ERICH3: variants seen among roughly 807,000 people sequenced by gnomAD.
The protein encoded by ERICH3 is glutamate rich 3.
A neutral mutation model predicts 131.1 loss-of-function variants in ERICH3; 126 were observed. That is an observed-to-expected ratio of 0.96 (90% confidence interval 0.83 to 1.11). The LOEUF (loss-of-function observed/expected upper bound fraction) is 1.11, where lower values mean the gene tolerates loss of function less well. Ranked by LOEUF, ERICH3 falls within the 50% of genes most tolerant of loss-of-function variation. The probability of loss-of-function intolerance (pLI) is 0.00; values close to 1 mark genes in which losing one functional copy is unlikely to be tolerated. For missense variants in ERICH3, 2,050 were observed against 1,810.7 expected (o/e 1.13, Z -2.40); for synonymous variants, 695 against 644.6 (o/e 1.08, Z -1.18).
chr1:74,603,757 T>C (rs1648257351), intron 10 of ERICH3, among the ~76,000 whole-genome samples: 1 of 151,898 alleles, frequency 6.6e-6, no homozygotes, highest in Non-Finnish European at 1.5e-5. Flanking sequence ...AAAAACCCAA[T>C]GTATACACCT....
At chr1:74,601,058 A>G (rs1648108630) in intron 10 of ERICH3, among the ~76,000 whole-genome samples, 2 of 151,816 alleles carry the variant, frequency 1.3e-5, no homozygotes, top group African/African-American at 2.4e-5. Flanking sequence ...CAAAACCTAT[A>G]ACAAAGAAAA....
chr1:74,657,293 A>T (rs1432297316), intron 1 of ERICH3, among the ~76,000 whole-genome samples: 1 of 152,130 alleles, frequency 6.6e-6, no homozygotes, highest in East Asian at 1.9e-4. Context: ...ATTAGAAAAA[A>T]ATATAGTTCC....
chr1:74,575,372 G>T (rs1186664320), intron 13 of ERICH3, among the ~76,000 whole-genome samples: 1 of 152,188 alleles, frequency 6.6e-6, no homozygotes, highest in East Asian at 1.9e-4. Context: ...ATAGGGCTGA[G>T]GTTGACTTTA....
At chr1:74,670,829 A>G (rs367587845) in intron 1 of ERICH3, among the ~76,000 whole-genome samples, 13 of 152,212 alleles carry the variant, frequency 8.5e-5, no homozygotes, top group African/African-American at 3.1e-4. Flanking sequence ...ACAAATGGAC[A>G]TGCAAGTAGG....
chr1:74,665,288 A>G (rs1646680437), intron 1 of ERICH3, among the ~76,000 whole-genome samples: 1 of 151,764 alleles, frequency 6.6e-6, no homozygotes, highest in Non-Finnish European at 1.5e-5. Flanking sequence ...GGGCTCCCCA[A>G]CCTCCAGAGC....
intron 11 of ERICH3, among the ~76,000 whole-genome samples, chr1:74,597,962 A>G (rs1162205344): frequency 1.3e-5 from 2 of 151,972 alleles, no homozygotes; most frequent in Non-Finnish European, 2.9e-5. Context: ...TCTAGTGAGA[A>G]CATTACTTAC....
At chr1:74,644,223 C>T (rs888759046) in intron 3 of ERICH3, among the ~76,000 whole-genome samples, 4 of 151,858 alleles carry the variant, frequency 2.6e-5, no homozygotes, top group African/African-American at 9.7e-5. Flanking sequence ...ACTTCCCTTT[C>T]CTCTCTCTCT....
At chr1:74,606,094 A>T (rs1648379567) in intron 10 of ERICH3, among the ~76,000 whole-genome samples, 1 of 151,510 alleles carries the variant, frequency 6.6e-6, no homozygotes. Flanking sequence ...GAGAGGAAGG[A>T]GAGAACAGAG....
intron 11 of ERICH3, among the ~76,000 whole-genome samples, chr1:74,595,389 T>C (rs996582174): frequency 1.4e-4 from 22 of 152,066 alleles, no homozygotes; most frequent in Non-Finnish European, 4.4e-5. Context: ...TATGCCCACA[T>C]ACTGATAGTT....
intron 10 of ERICH3, among the ~76,000 whole-genome samples, chr1:74,605,368 A>G (rs1219930897): frequency 6.6e-6 from 1 of 151,870 alleles, no homozygotes. Flanking sequence ...GCACATGTTC[A>G]CTTGAAGTAG....
intron 11 of ERICH3, among the ~76,000 whole-genome samples, chr1:74,596,286 C>G (rs1647845085): frequency 6.6e-6 from 1 of 151,886 alleles, no homozygotes; most frequent in Non-Finnish European, 1.5e-5. Context: ...CTCAATCTGT[C>G]TAATCTTTCT....
At chr1:74,595,929 ATCT>A (rs1389704286) in intron 11 of ERICH3, among the ~76,000 whole-genome samples, 5 of 152,050 alleles carry the variant, frequency 3.3e-5, no homozygotes, top group Admixed American at 1.3e-4. Context: ...CATTCCCATA[ATCT>A]TCTCTGATCC....
chr1:74,571,011 C>T (rs928179806), intron 14 of ERICH3, 88 bp downstream of exon 14: 1 of 1,462,540 alleles, frequency 6.8e-7, no homozygotes, highest in Non-Finnish European at 9.2e-7. Flanking sequence ...TGCACAGACA[C>T]CAATAAAGGG....
chr1:74,571,767 C>G lies in ERICH3; in HGVS notation c.3943G>C (p.Glu1315Gln). ...TCTCCTTCCATGTCCCCGTCCCCTT[C>G]CGAGTTCCTGTCCTGCATCGCTTCT... Reference protein sequence around the residue: ...ETEAMQDRNSEGDGDMEGEGN... With the variant: ...ETEAMQDRNSQGDGDMEGEGN... The change falls in exon 14 of 15, where the codon GAA (glutamate) becomes CAA (glutamine). Residue 1315 changes from glutamate to glutamine, a missense_variant. Physicochemically the swap from Glu to Gln is conservative, Grantham distance 29. Coordinates refer to ENST00000326665, the MANE Select transcript of ERICH3 (RefSeq NM_001002912.5). 6.2e-7 allele frequency: 1 copy of G among 1,614,136 alleles called. No homozygotes were observed. Among genetic ancestry groups the G allele is most frequent in the Non-Finnish European group, 8.5e-7 (1 of 1,180,034 alleles).
intron 4 of ERICH3, among the ~76,000 whole-genome samples, chr1:74,642,218 T>C (rs1422169753): frequency 1.3e-5 from 2 of 152,170 alleles, no homozygotes; most frequent in African/African-American, 4.8e-5. Context: ...AACAAAATTA[T>C]CTTCTCACCC....
At position 74,585,683 on chromosome 1, in the gene ERICH3, T is replaced by C. The variant is rs149845987; in HGVS notation, c.2176+3948A>G. Among the ~76,000 whole-genome samples, 65 of 152,216 alleles carry C rather than the reference T, an allele frequency of 4.3e-4. 1 individual carries two copies. In the East Asian group the frequency reaches 9.1e-3, roughly 21 times the overall value. On this transcript the variant is annotated intron_variant, in intron 12 of 14. Transcript: ENST00000326665. ...TTAAATACCATACAAATGTGGGACA[T>C]GGTCATTTACACATTCTCTCAGCCC...
intron 1 of ERICH3, 28 bp from the exon 2 acceptor site, chr1:74,649,343 C>G (rs750018567): frequency 6.4e-7 from 1 of 1,558,772 alleles, no homozygotes; most frequent in South Asian, 1.1e-5. Flanking sequence ...AACCAATAAG[C>G]TTTTACAAGG....
intron 12 of ERICH3, chr1:74,579,414 T>G (rs1455803011): frequency 2.0e-6 from 2 of 985,402 alleles, no homozygotes; most frequent in Non-Finnish European, 2.4e-6. Context: ...TCAGAAATGA[T>G]AGTGAAGCTT....
At chr1:74,646,412 C>G (rs1646483980) in intron 3 of ERICH3, among the ~76,000 whole-genome samples, 1 of 151,962 alleles carries the variant, frequency 6.6e-6, no homozygotes, top group Non-Finnish European at 1.5e-5. Context: ...ATATTTTTCT[C>G]CAACTGAAAT....
Sources: allele counts gnomAD v4.1 joint callset (sites outside exome capture counted in the v4.1 genomes callset), GRCh38; gene constraint gnomAD v4.1.1; transcripts MANE v1.5; gene names NCBI Gene and HGNC (gene_info 2026-07-23, HGNC 2026-07-21).